The following ARID5B variants were observed in gnomAD, a reference collection of about 807,000 sequenced individuals.
The protein encoded by ARID5B is AT-rich interactive domain-containing protein 5B.
Under a neutral mutation model 97.2 loss-of-function variants are expected in ARID5B, and 13 were observed. That is an observed-to-expected ratio of 0.13 (90% CI 0.09 to 0.21). ARID5B has a LOEUF of 0.21. Ranked by LOEUF, ARID5B falls within the 10% of genes least tolerant of loss-of-function variation. The pLI is 1.00. For synonymous variants in ARID5B, 556 were observed against 570.3 expected (o/e 0.97, Z 0.36); for missense variants, 1,210 against 1,465.3 (o/e 0.83, Z 2.84).
intron 3 of ARID5B, among the ~76,000 whole-genome samples, chr10:61,951,944 TTTAA>T (rs1156632737): frequency 9.2e-5 from 14 of 152,326 alleles, no homozygotes; most frequent in Admixed American, 3.3e-4. Context: ...TGTTTCATAC[TTTAA>T]TTATCGTTGG....
chr10:61,905,788 C>T (rs1843697698), intron 2 of ARID5B, among the ~76,000 whole-genome samples: 1 of 152,146 alleles, frequency 6.6e-6, no homozygotes, highest in Admixed American at 6.5e-5. Flanking sequence ...TATCCTTATC[C>T]TGTAAAGTTA....
intron 4 of ARID5B, among the ~76,000 whole-genome samples, chr10:62,011,427 G>A (rs1839216586): frequency 6.6e-6 from 1 of 152,182 alleles, no homozygotes; most frequent in African/African-American, 2.4e-5. Context: ...TCCCATAGCT[G>A]TTGAAAGAGA....
chr10:62,069,378 A>G (rs529061745), intron 7 of ARID5B, among the ~76,000 whole-genome samples: 5 of 152,352 alleles, frequency 3.3e-5, no homozygotes, highest in Admixed American at 2.6e-4. Context: ...TTGATGCTTT[A>G]TCAAATGACT....
rs1843630000 is a variant in ARID5B at position 61,902,314 on chromosome 10, G to T, written c.177G>T (p.Leu59=). 1 of 1,614,148 alleles carries T rather than the reference G, an allele frequency of 6.2e-7. No homozygotes were observed. The highest frequency in any genetic ancestry group is 8.5e-7 in the Non-Finnish European group (1 of 1,180,034). ...CGATTTGCATAGCGGAGCTCCAGCTGTTGTGGGAAGAGAGGACCAGCCGGC... is the reference window on the plus strand; with the variant it reads ...CGATTTGCATAGCGGAGCTCCAGCTTTTGTGGGAAGAGAGGACCAGCCGGC... ...KDPICIAELQ[L]LWEERTSRQL... The change falls in exon 2 of 10, where the codon CTG becomes CTT. Residue 59 remains leucine, a synonymous_variant. Transcript: ENST00000279873.
chr10:62,089,108 A>C (rs1290129225), intron 9 of ARID5B, among the ~76,000 whole-genome samples: 1 of 152,174 alleles, frequency 6.6e-6, no homozygotes, highest in East Asian at 1.9e-4. Flanking sequence ...ATAAGAAACT[A>C]ACAATTAGAT....
chr10:62,042,914 C>CAAA (rs34887438), intron 4 of ARID5B, among the ~76,000 whole-genome samples: 22 of 121,272 alleles, frequency 1.8e-4, no homozygotes, highest in African/African-American at 4.5e-4. Context: ...GAGTCTGTCC[C>CAAA]AAAAAAAAAA....
At position 62,087,532 on chromosome 10, in the gene ARID5B, T is replaced by TA. The variant is rs769545599; in HGVS notation, c.1398+1647dup. On this transcript the variant is annotated intron_variant, in intron 9 of 9. Transcript: ENST00000279873. ...AATAATAAAAAACGCTGCTGCCCATTAAAAAAAAAAAAAAACTGAGCAGCC... is the reference window on the plus strand; with the variant it reads ...AATAATAAAAAACGCTGCTGCCCATTAAAAAAAAAAAAAAAACTGAGCAGCC... Among the ~76,000 whole-genome samples, 659 of 133,124 alleles carry TA rather than the reference T, an allele frequency of 5.0e-3. 3 individuals are homozygous for TA. The highest frequency in any genetic ancestry group is 6.4e-3 in the East Asian group (30 of 4,678). The allele number at this position is 133,124 out of a possible 152,430, so 87.3% of individuals were successfully genotyped here. A position where few individuals can be genotyped will look rare whatever the true frequency, so the allele number is the denominator to read the frequency against.
At chr10:62,033,880 A>G (rs1049888933) in intron 4 of ARID5B, among the ~76,000 whole-genome samples, 7 of 152,200 alleles carry the variant, frequency 4.6e-5, no homozygotes, top group African/African-American at 1.4e-4. Context: ...CCGAGGTCAT[A>G]TAGTTGCCTT....
chr10:62,086,568 G>T (rs948165930), intron 9 of ARID5B, among the ~76,000 whole-genome samples: 10 of 151,952 alleles, frequency 6.6e-5, no homozygotes, highest in Admixed American at 1.3e-4. Context: ...AGGTGTGGTG[G>T]TGGGCGCCTG....
intron 3 of ARID5B, among the ~76,000 whole-genome samples, chr10:61,981,874 C>T (rs1838781627): frequency 6.6e-6 from 1 of 152,204 alleles, no homozygotes; most frequent in Non-Finnish European, 1.5e-5. Flanking sequence ...TTACTAAATT[C>T]CATTATCCTC....
At chr10:62,048,888 T>G (rs1839747291) in intron 4 of ARID5B, among the ~76,000 whole-genome samples, 1 of 152,226 alleles carries the variant, frequency 6.6e-6, no homozygotes, top group Non-Finnish European at 1.5e-5. Flanking sequence ...TTGTTTTGTT[T>G]GTTTTAATGA....
chr10:62,052,295 A>G (rs1363628846), intron 5 of ARID5B, among the ~76,000 whole-genome samples: 1 of 152,220 alleles, frequency 6.6e-6, no homozygotes, highest in African/African-American at 2.4e-5. Context: ...CCCTAGAACT[A>G]TCTACCTAGG....
rs1218120279 is a variant in ARID5B at position 62,093,005 on chromosome 10, C to G, written c.3542C>G (p.Ser1181Cys). The change falls in exon 10 of 10, where the codon TCC becomes TGC. Residue 1181 changes from serine (S) to cysteine (C), a missense_variant. Ser to Cys is a moderately radical substitution (Grantham distance 112). Transcript: ENST00000279873. ...QAAFPSSQLS[S>C]VHPSTKL The stretch of plus-strand genomic sequence containing the variant: ...GCCTTTCCATCTTCCCAGCTGTCAT[C>G]CGTGCACCCCAGTACAAAACTGTAG... 1 of 1,610,852 alleles carries G rather than the reference C, an allele frequency of 6.2e-7. No individual in the cohort carries two copies. Among genetic ancestry groups the G allele is most frequent in the East Asian group, 2.2e-5 (1 of 44,880 alleles).
intron 4 of ARID5B, among the ~76,000 whole-genome samples, chr10:62,008,059 ACAACACACACACACACAC>A (rs1839168815): frequency 9.7e-5 from 1 of 10,274 alleles, no homozygotes. Flanking sequence ...CCCCCGCCCC[ACAACACACACACACACAC>A]ACACACACAC....
chr10:62,027,750 C>T (rs1000649223), intron 4 of ARID5B, among the ~76,000 whole-genome samples: 1 of 152,026 alleles, frequency 6.6e-6, no homozygotes, highest in Non-Finnish European at 1.5e-5. Flanking sequence ...GAAAAGAAAC[C>T]CCCTTATCAT....
Position 61,972,346 on chromosome 10 carries a change from G to A in ARID5B, c.503-27745G>A, listed in dbSNP as rs191846822. On this transcript the variant is annotated intron_variant, in intron 3 of 9. Coordinates refer to ENST00000279873, the MANE Select transcript of ARID5B (RefSeq NM_032199.3). The stretch of plus-strand genomic sequence containing the variant: ...AGGTTCAAGGGATTCTCCTGCCTCA[G>A]CCTCCTGAGTAGCTGGGATTGCAGG... Among the ~76,000 whole-genome samples, 4 of 150,474 alleles carry A rather than the reference G, an allele frequency of 2.7e-5. No homozygotes were observed. The East Asian group carries it at 7.9e-4, about 30-fold the overall frequency.
chr10:61,912,864 G>A (rs963990451), intron 2 of ARID5B, among the ~76,000 whole-genome samples: 1 of 152,072 alleles, frequency 6.6e-6, no homozygotes, highest in South Asian at 2.1e-4. Flanking sequence ...GCTCTCCAAC[G>A]GAAGATGAGA....
intron 2 of ARID5B, among the ~76,000 whole-genome samples, chr10:61,907,319 T>C (rs892203058): frequency 4.6e-5 from 7 of 152,258 alleles, no homozygotes; most frequent in African/African-American, 1.7e-4. Context: ...TGGATTAGTC[T>C]TGCTCTTCTC....
chr10:61,908,820 A>AAAAAGAAG lies in ARID5B; in HGVS notation c.276+6409_276+6410insAAGAAGAA, dbSNP rs1251041161. Among the ~76,000 whole-genome samples the AAAAAGAAG allele has an allele frequency of 4.5e-3, 662 of 146,060 alleles. 15 individuals carry two copies. The highest frequency in any genetic ancestry group is 0.017 in the African/African-American group (638 of 37,462). ...ATCTCAAAAAAAAAAAAAAAAAAAA[A>AAAAAGAAG]AAGAAGAAGAAGAATGGCCTCTGCC... is the stretch of plus-strand genomic sequence containing the variant. On this transcript the variant is annotated intron_variant, in intron 2 of 9. Coordinates refer to ENST00000279873, the MANE Select transcript of ARID5B (RefSeq NM_032199.3).
Sources: gnomAD v4.1 joint callset for allele counts (sites outside exome capture counted in the v4.1 genomes callset) on GRCh38, gnomAD v4.1.1 for gene constraint, MANE v1.5 for transcripts, NCBI Gene and HGNC (gene_info 2026-07-23, HGNC 2026-07-21) for gene names.